CMA1: variants seen among roughly 807,000 people sequenced by gnomAD.
CMA1 encodes chymase 1.
Under a neutral mutation model 18.8 loss-of-function variants are expected in CMA1, and 24 were observed. That is an observed-to-expected ratio of 1.28 (90% CI 0.92 to 1.80). The LOEUF is 1.80. Among genes scored for constraint, CMA1 ranks in the 40% most tolerant of loss-of-function variants. The probability of loss-of-function intolerance (pLI) is 0.00; values close to 1 mark genes in which losing one functional copy is unlikely to be tolerated. For missense variants in CMA1, 421 were observed against 302.8 expected, an observed-to-expected ratio of 1.39 and a Z score of -2.90; for synonymous variants, 152 against 117.0, an observed-to-expected ratio of 1.30 and a Z score of -1.93.
chr14:24,506,378 C>A, intron 3 of CMA1, 91 bp downstream of exon 3: 2 of 1,593,154 alleles, frequency 1.3e-6, no homozygotes, highest in Non-Finnish European at 1.7e-6. Flanking sequence ...CATGTTATAG[C>A]CAAGTCCTAA....
Position 24,505,448 on chromosome 14 carries a change from G to A in CMA1, c.*68C>T. The A allele has an allele frequency of 6.2e-7, 1 of 1,600,948 alleles. No homozygotes were observed. The highest frequency in any genetic ancestry group is 8.6e-7 in the Non-Finnish European group (1 of 1,169,042). Reference sequence around the variant, plus strand: ...TGAGGGACCAAGGGTAGACCAGAATGAGTGGCACACACTTTGCTGCTCAGG... The same window carrying A: ...TGAGGGACCAAGGGTAGACCAGAATAAGTGGCACACACTTTGCTGCTCAGG... On this transcript the variant is annotated 3_prime_UTR_variant, in exon 5 of 5. Coordinates refer to ENST00000250378, the MANE Select transcript of CMA1 (RefSeq NM_001836.5).
At position 24,508,103 on chromosome 14, in the gene CMA1, G is replaced by A. The variant is rs766089884; in HGVS notation, c.58+75C>T. 2.9e-6 allele frequency: 4 copies of A among 1,385,546 alleles called. No homozygotes were observed. The Admixed American group carries it at 7.1e-5, about 25-fold the overall frequency. The allele number at this position is 1,385,546 out of a possible 1,614,324, so 85.8% of individuals were successfully genotyped here. A position where few individuals can be genotyped will look rare whatever the true frequency, so the allele number is the denominator to read the frequency against. ...ATCTTGGAACCCTGTTTAGGAGTCA[G>A]CTATTTTCAGACTAAACATCTTTGT... On this transcript the variant is annotated intron_variant, in intron 1 of 4. Coordinates refer to ENST00000250378, the MANE Select transcript of CMA1 (RefSeq NM_001836.5).
rs748370921 is a variant in CMA1, at chr14:24,507,522, C to T, written c.59-16G>A. Reference sequence around the variant, plus strand: ...ATGATCTCCCCTGGAACAGAGCACCCCAGGGTTTGAACACGGCCATAGATA... The same window carrying T: ...ATGATCTCCCCTGGAACAGAGCACCTCAGGGTTTGAACACGGCCATAGATA... On this transcript the variant is annotated splice_polypyrimidine_tract_variant and intron_variant, in intron 1 of 4. Transcript: ENST00000250378. 3.3e-5 allele frequency: 53 copies of T among 1,608,278 alleles called. No individual in the cohort carries two copies. The highest frequency in any genetic ancestry group is 5.0e-5 in the Admixed American group (3 of 59,632).
chr14:24,508,128 T>C, intron 1 of CMA1, 50 bp downstream of exon 1: 1 of 1,538,064 alleles, frequency 6.5e-7, no homozygotes, highest in East Asian at 2.2e-5. Context: ...AACATCTTTG[T>C]TTCAGGAGCT....
intron 4 of CMA1, 135 bp downstream of exon 4, chr14:24,505,893 G>T: frequency 7.9e-7 from 1 of 1,272,994 alleles, no homozygotes; most frequent in Non-Finnish European, 1.1e-6. Context: ...AGGCTGTCTT[G>T]GACCACGGGA....
rs144325776 is a variant in CMA1 at position 24,506,635 on chromosome 14, C to T, written c.210-31G>A. On this transcript the variant is annotated intron_variant, in intron 2 of 4. Coordinates refer to ENST00000250378, the MANE Select transcript of CMA1 (RefSeq NM_001836.5). ...GTGAGGAAGAAGGAAGGAAAAGGAG[C>T]GACAGTGATGGCTTGGGGTTTCTTC... 7,061 of 1,610,432 alleles carry T rather than the reference C, an allele frequency of 4.4e-3. 48 individuals carry two copies. Among genetic ancestry groups the T allele is most frequent in the South Asian group, 0.014 (1,291 of 90,740 alleles).
Position 24,507,573 on chromosome 14 carries a change from G to A in CMA1, c.59-67C>T, listed in dbSNP as rs945727176. On this transcript the variant is annotated intron_variant, in intron 1 of 4. Transcript: ENST00000250378. ...CTCTCTCCAATGAATGGACAAATTG[G>A]GTTAAAGCTGAGCTAGGCTTCCCTG... is the stretch of plus-strand genomic sequence containing the variant. 1.5e-5 allele frequency: 23 copies of A among 1,543,124 alleles called. No homozygotes were observed. The African/African-American group carries it at 2.9e-4, about 19-fold the overall frequency.
intron 2 of CMA1, 31 bp downstream of exon 2, chr14:24,507,325 A>G (rs754878710): frequency 1.9e-6 from 3 of 1,613,830 alleles, no homozygotes; most frequent in Non-Finnish European, 1.7e-6. Flanking sequence ...TTCATCTCCC[A>G]TTTGGAGATA....
In CMA1 at chr14:24,507,639, C is replaced by T. The variant is rs2043869986; in HGVS notation, c.59-133G>A. The T allele has an allele frequency of 4.9e-6, 5 of 1,019,158 alleles. No individual in the cohort carries two copies. The Admixed American group carries it at 7.4e-5, about 15-fold the overall frequency. 63.1% of individuals were successfully genotyped at this position (1,019,158 alleles called of 1,614,324 possible). On this transcript the variant is annotated intron_variant, in intron 1 of 4. Transcript: ENST00000250378. ...CCTGTGTTCCGCCCATCTTCCCTCT[C>T]CTGTCTCCTGTATTTCGTATCTTTC...
intron 4 of CMA1, 75 bp downstream of exon 4, chr14:24,505,953 G>A: frequency 1.9e-6 from 3 of 1,558,822 alleles, no homozygotes; most frequent in South Asian, 1.2e-5. Flanking sequence ...ACAACCTTCT[G>A]ACCCCATCTC....
intron 4 of CMA1, 119 bp downstream of exon 4, chr14:24,505,909 G>A (rs546717814): frequency 3.8e-5 from 52 of 1,382,370 alleles, no homozygotes; most frequent in Non-Finnish European, 4.8e-5. Context: ...CGGGAGGACA[G>A]CAATTCCTGT....
intron 4 of CMA1, 134 bp downstream of exon 4, chr14:24,505,894 G>T: frequency 7.8e-7 from 1 of 1,286,572 alleles, no homozygotes; most frequent in Non-Finnish European, 1.1e-6. Context: ...GGCTGTCTTG[G>T]ACCACGGGAG....
At chr14:24,505,776 ACTTATACAT>A in intron 4 of CMA1, 117 bp from the exon 5 acceptor site, 2 of 1,301,756 alleles carry the variant, frequency 1.5e-6, no homozygotes, top group Non-Finnish European at 2.1e-6. Context: ...GGAGCTCCTC[ACTTATACAT>A]CTAGTTCTGA....
At chr14:24,507,723 T>C (rs2138399909) in intron 1 of CMA1, among the ~76,000 whole-genome samples, 1 of 152,302 alleles carries the variant, frequency 6.6e-6, no homozygotes, top group East Asian at 1.9e-4. Context: ...TCTGATGTTT[T>C]CATCTCAGAC....
rs1329831123 is a variant in CMA1 at position 24,506,518 on chromosome 14, T to C, written c.296A>G (p.His99Arg). The part of the protein sequence containing the change: ...QKLEVIKQFR[H>R]PKYNTSTLHH... ...AAGAGTAGAAGTGTTATATTTTGGA[T>C]GACGGAATTGCTTTATAACCTCAAG... The change falls in exon 3 of 5, where the codon CAT (histidine) becomes CGT (arginine). Residue 99 changes from histidine (H) to arginine (R), a missense_variant. His to Arg is a conservative substitution (Grantham distance 29, BLOSUM62 0). Transcript: ENST00000250378. The C allele has an allele frequency of 2.5e-6, 4 of 1,614,210 alleles. No homozygotes were observed. The highest frequency in any genetic ancestry group is 3.4e-6 in the Non-Finnish European group (4 of 1,180,026).
intron 4 of CMA1, 128 bp downstream of exon 4, chr14:24,505,900 G>T (rs898850371): frequency 7.6e-7 from 1 of 1,318,654 alleles, no homozygotes; most frequent in Non-Finnish European, 1.0e-6. Flanking sequence ...CTTGGACCAC[G>T]GGAGGACAGC....
chr14:24,507,996 T>C lies in CMA1; in HGVS notation c.58+182A>G, dbSNP rs1387281359. ...TGTTCCTGGGGGCTGTCCTAGGCTG[T>C]AGAGAATGGCAGTGGGTGGGGGTGG... On this transcript the variant is annotated intron_variant, in intron 1 of 4. Transcript: ENST00000250378. 12 of 575,730 alleles carry C rather than the reference T, an allele frequency of 2.1e-5. No individual in the cohort carries two copies. In the African/African-American group the frequency reaches 2.3e-4, roughly 11 times the overall value. 35.7% of individuals were successfully genotyped at this position (575,730 alleles called of 1,614,324 possible). A position where few individuals can be genotyped will look rare whatever the true frequency, so the allele number is the denominator to read the frequency against.
Position 24,505,675 on chromosome 14 carries a change from A to G in CMA1, c.601-16T>C, listed in dbSNP as rs1254099661. On this transcript the variant is annotated splice_polypyrimidine_tract_variant and intron_variant, in intron 4 of 4. Coordinates refer to ENST00000250378, the MANE Select transcript of CMA1 (RefSeq NM_001836.5). ...CAGAGTCTCCCTGTAGGGGGAGGAG[A>G]GAGAGAAGAAGGTGAGCCCGGGAAG... 1 of 1,589,074 alleles carries G rather than the reference A, an allele frequency of 6.3e-7. No homozygotes were observed. The highest frequency in any genetic ancestry group is 1.3e-5 in the African/African-American group (1 of 74,126).
rs764456752 is a variant in CMA1, at chr14:24,505,525, C to G, written c.735G>C (p.Gln245His). 7.4e-6 allele frequency: 12 copies of G among 1,613,964 alleles called. No homozygotes were observed. The Admixed American group carries it at 1.2e-4, about 16-fold the overall frequency. The change falls in exon 5 of 5, where the codon CAG (glutamine) becomes CAC (histidine). Residue 245 changes from glutamine to histidine, a missense_variant. Transcript: ENST00000250378. ...HYRPWINQIL[Q>H]AN ...GGCTCAGGATCCAGGATTAATTTGC[C>G]TGCAGGATCTGGTTGATCCAGGGCC...
Sources: allele counts gnomAD v4.1 joint callset (sites outside exome capture counted in the v4.1 genomes callset), GRCh38; gene constraint gnomAD v4.1.1; transcripts MANE v1.5; gene names NCBI Gene and HGNC (gene_info 2026-07-23, HGNC 2026-07-21).